The following KAZN variants were observed in gnomAD, a reference collection of about 807,000 sequenced individuals.
KAZN encodes the protein kazrin.
Under a neutral mutation model 87.4 loss-of-function variants are expected in KAZN, and 40 were observed. The observed-to-expected ratio is 0.46, with a 90% CI of 0.36 to 0.60. The LOEUF is 0.60. Among genes scored for constraint, KAZN ranks in the 20% least tolerant of loss-of-function variants. The probability of loss-of-function intolerance (pLI) is 0.00; values close to 1 mark genes in which losing one functional copy is unlikely to be tolerated. For synonymous variants in KAZN, 466 were observed against 458.3 expected, an observed-to-expected ratio of 1.02 and a Z score of -0.22; for missense variants, 898 against 1,073.9, an observed-to-expected ratio of 0.84 and a Z score of 2.29.
chr1:14,741,669 T>A (rs1186396672), intron 1 of KAZN, among the ~76,000 whole-genome samples: 4 of 152,218 alleles, frequency 2.6e-5, no homozygotes, highest in South Asian at 2.1e-4. Context: ...GAAGGGGCAC[T>A]TCCCCCCGGG....
chr1:14,723,414 G>A (rs936044683), intron 1 of KAZN, among the ~76,000 whole-genome samples: 1 of 152,190 alleles, frequency 6.6e-6, no homozygotes, highest in Non-Finnish European at 1.5e-5. Flanking sequence ...AGGTCCCGGG[G>A]CAGCAATGAG....
At chr1:14,145,954 T>C (rs965769561) in intron 1 of KAZN, among the ~76,000 whole-genome samples, 3 of 152,032 alleles carry the variant, frequency 2.0e-5, no homozygotes, top group Non-Finnish European at 4.4e-5. Flanking sequence ...TGATTTACAT[T>C]TCCTTTTTTT....
At chr1:14,413,507 G>A (rs1332995160) in intron 2 of KAZN, among the ~76,000 whole-genome samples, 4 of 148,548 alleles carry the variant, frequency 2.7e-5, no homozygotes, top group Admixed American at 6.8e-5. Flanking sequence ...GGAGAATGGC[G>A]TGAAACCGGA....
intron 1 of KAZN, among the ~76,000 whole-genome samples, chr1:14,672,030 C>G (rs765769437): frequency 1.3e-5 from 2 of 152,204 alleles, no homozygotes; most frequent in Non-Finnish European, 2.9e-5. Context: ...TTCTGCACAG[C>G]CTAGAAATGA....
rs888739145 is a variant in KAZN at position 15,021,988 on chromosome 1, G to A, written c.419-12761G>A. Reference sequence around the variant, plus strand: ...AGCCAGGGGAAAACCATCAGATCTCGTGAGACTTATTCACTGCCATGAGAA... The same window carrying A: ...AGCCAGGGGAAAACCATCAGATCTCATGAGACTTATTCACTGCCATGAGAA... On this transcript the variant is annotated intron_variant, in intron 2 of 14. Coordinates refer to ENST00000376030, the MANE Select transcript of KAZN (RefSeq NM_201628.3). This position sits in a 1 kb window ranked among gnomAD's most constrained non-coding sequence, Gnocchi z 4.2. Among the ~76,000 whole-genome samples, 3 of 152,154 alleles carry A rather than the reference G, an allele frequency of 2.0e-5. No homozygotes were observed. Among genetic ancestry groups the A allele is most frequent in the African/African-American group, 4.8e-5 (2 of 41,436 alleles).
intron 1 of KAZN, among the ~76,000 whole-genome samples, chr1:14,749,474 GAGGGCTTCA>G (rs1644353757): frequency 6.6e-6 from 1 of 152,222 alleles, no homozygotes; most frequent in Admixed American, 6.5e-5. Context: ...TCCTTCAGGA[GAGGGCTTCA>G]GTTCCACACA....
rs1557586164 is a variant in KAZN at position 14,883,344 on chromosome 1, A to AGAGAG, written c.227-77340_227-77339insGAGAG. Among the ~76,000 whole-genome samples, 54 of 29,676 alleles carry AGAGAG rather than the reference A, an allele frequency of 1.8e-3. 8 individuals are homozygous for AGAGAG. Among genetic ancestry groups the AGAGAG allele is most frequent in the Non-Finnish European group, 2.1e-3 (29 of 14,140 alleles). The allele number at this position is 29,676 out of a possible 152,430, so 19.5% of individuals were successfully genotyped here. On this transcript the variant is annotated intron_variant, in intron 1 of 14. Transcript: ENST00000376030. Reference sequence around the variant, plus strand: ...AGAGAGAGAGAGAGAGAGAGAGAGAAAGAAAGAAAGAAAAGAAAGAAAGAA... The same window carrying AGAGAG: ...AGAGAGAGAGAGAGAGAGAGAGAGAAGAGAGAGAAAGAAAGAAAAGAAAGAAAGAA...
intron 2 of KAZN, among the ~76,000 whole-genome samples, chr1:14,264,770 G>T (rs1651344522): frequency 6.6e-6 from 1 of 152,212 alleles, no homozygotes; most frequent in Admixed American, 6.5e-5. Flanking sequence ...TACCTTTCAT[G>T]CTTCAAATCA....
intron 1 of KAZN, among the ~76,000 whole-genome samples, chr1:14,749,432 A>C (rs1281281219): frequency 1.3e-5 from 2 of 152,218 alleles, no homozygotes; most frequent in African/African-American, 4.8e-5. Context: ...CCCTCAATGG[A>C]GCAAAAAGCA....
intron 1 of KAZN, among the ~76,000 whole-genome samples, chr1:14,933,782 A>G (rs1660121453): frequency 6.6e-6 from 1 of 151,850 alleles, no homozygotes; most frequent in South Asian, 2.1e-4. Flanking sequence ...AGCTAGGACT[A>G]CAGGCATGTG....
intron 1 of KAZN, among the ~76,000 whole-genome samples, chr1:13,992,648 T>C (rs190404546): frequency 1.1e-3 from 164 of 152,032 alleles, no homozygotes; most frequent in African/African-American, 3.9e-3. Context: ...TACATGAAAG[T>C]AAAAGGAAAG....
chr1:13,961,533 GGTTT>G (rs1641753011), intron 1 of KAZN, among the ~76,000 whole-genome samples: 1 of 152,116 alleles, frequency 6.6e-6, no homozygotes, highest in Non-Finnish European at 1.5e-5. Context: ...GGGTGCAATT[GGTTT>G]GTTCCCTTTC....
At chr1:15,044,270 G>GGGGGGGGGGGGGGGGGCCCCC in intron 4 of KAZN, 111 bp downstream of exon 4, 1 of 413,334 alleles carries the variant, frequency 2.4e-6, no homozygotes, top group East Asian at 9.1e-5. Flanking sequence ...GGTGGGTGGG[G>GGGGGGGGGGGGGGGGGCCCCC]CAGAGCAGAA....
intron 1 of KAZN, among the ~76,000 whole-genome samples, chr1:14,600,457 G>T (rs527335403): frequency 1.3e-5 from 2 of 152,160 alleles, no homozygotes; most frequent in Admixed American, 1.3e-4. Flanking sequence ...GTTTTATGTC[G>T]AATTCCAAGT....
intron 1 of KAZN, among the ~76,000 whole-genome samples, chr1:14,638,640 C>T (rs1052779036): frequency 3.1e-4 from 47 of 151,564 alleles, no homozygotes; most frequent in African/African-American, 1.1e-3. Context: ...ACCCTGCCCG[C>T]AGTGGGAAAT....
intron 2 of KAZN, among the ~76,000 whole-genome samples, chr1:14,244,971 G>GT (rs1054708316): frequency 1.3e-5 from 2 of 151,790 alleles, no homozygotes; most frequent in Non-Finnish European, 2.9e-5. Flanking sequence ...CTTGTTTTTT[G>GT]TTTTTTGGAG....
chr1:14,245,820 C>G (rs1428650013), intron 2 of KAZN, among the ~76,000 whole-genome samples: 1 of 152,128 alleles, frequency 6.6e-6, no homozygotes, highest in East Asian at 1.9e-4. Context: ...CCAGCAATCT[C>G]ATTGCTGGGT....
chr1:15,098,063 C>A (rs1305162500), intron 10 of KAZN, among the ~76,000 whole-genome samples: 6 of 152,202 alleles, frequency 3.9e-5, no homozygotes, highest in Non-Finnish European at 8.8e-5. Context: ...AAGCGCAATT[C>A]TCCCCGTTTT....
At chr1:14,708,896 T>C (rs1642349459) in intron 1 of KAZN, among the ~76,000 whole-genome samples, 1 of 152,250 alleles carries the variant, frequency 6.6e-6, no homozygotes, top group Non-Finnish European at 1.5e-5. Context: ...GAGATACTTT[T>C]TGAGCTTTAA....
Sources: gnomAD v4.1 joint callset for allele counts (sites outside exome capture counted in the v4.1 genomes callset) on GRCh38, gnomAD v4.1.1 for gene constraint, Gnocchi (gnomAD v3.1) non-coding constraint, MANE v1.5 for transcripts, NCBI Gene and HGNC (gene_info 2026-07-23, HGNC 2026-07-21) for gene names.